Variants in TMCC1 observed in about 807,000 individuals in gnomAD.
The protein encoded by TMCC1 is transmembrane and coiled-coil domains protein 1.
A neutral mutation model predicts 52.4 loss-of-function variants in TMCC1; 15 were observed. That is an observed-to-expected ratio of 0.29 (90% confidence interval 0.19 to 0.44). TMCC1 has a LOEUF of 0.44. Ranked by LOEUF, TMCC1 falls within the 20% of genes least tolerant of loss-of-function variation. The pLI, the probability that TMCC1 is intolerant of heterozygous loss-of-function variation, is 1.00. For synonymous variants in TMCC1, 279 were observed against 301.9 expected (o/e 0.92, Z 0.79); for missense variants, 503 against 806.0 (o/e 0.62, Z 4.55).
intron 4 of TMCC1, among the ~76,000 whole-genome samples, chr3:129,774,602 C>T (rs2054874217): frequency 1.3e-5 from 2 of 152,168 alleles, no homozygotes; most frequent in South Asian, 4.1e-4. Context: ...AGAGGGGCAA[C>T]TAACCTAGAG....
chr3:129,740,661 A>G, intron 4 of TMCC1, among the ~76,000 whole-genome samples: 1 of 152,134 alleles, frequency 6.6e-6, no homozygotes, highest in East Asian at 1.9e-4. Flanking sequence ...GTGGGGTGAG[A>G]AGAGTATAAA....
At chr3:129,686,350 C>A (rs541608975) in intron 4 of TMCC1, among the ~76,000 whole-genome samples, 1 of 152,276 alleles carries the variant, frequency 6.6e-6, no homozygotes, top group East Asian at 1.9e-4. Flanking sequence ...GATTCGCCCG[C>A]CTCGGCCTCC....
At chr3:129,883,507 A>G (rs1560616089) in intron 1 of TMCC1, among the ~76,000 whole-genome samples, 3 of 152,146 alleles carry the variant, frequency 2.0e-5, no homozygotes, top group Admixed American at 1.3e-4. Flanking sequence ...CCAGCTATTC[A>G]GGAGGCTGAA....
intron 4 of TMCC1, among the ~76,000 whole-genome samples, chr3:129,812,688 G>T (rs141329128): frequency 2.0e-5 from 3 of 152,132 alleles, no homozygotes; most frequent in Non-Finnish European, 2.9e-5. Context: ...GCATATTTAA[G>T]ACTTAAATCT....
At position 129,828,489 on chromosome 3, in the gene TMCC1, G is replaced by A. The variant is rs2058754955; in HGVS notation, c.-111C>T. On this transcript the variant is annotated 5_prime_UTR_variant, in exon 4 of 7. Transcript: ENST00000393238. The surrounding 1 kb of genome is among the most constrained non-coding windows in gnomAD (Gnocchi z 4.1). ...ACAGTGACTACGCATGCAGCTGTGAGACGAAGGCTTCATGCCTATCTAATG... is the reference window on the plus strand; with the variant it reads ...ACAGTGACTACGCATGCAGCTGTGAAACGAAGGCTTCATGCCTATCTAATG... 2 of 1,010,490 alleles carry A rather than the reference G, an allele frequency of 2.0e-6. No individual in the cohort carries two copies. Among genetic ancestry groups the A allele is most frequent in the Non-Finnish European group, 2.9e-6 (2 of 679,856 alleles). The allele number at this position is 1,010,490 out of a possible 1,614,324, so 62.6% of individuals were successfully genotyped here.
chr3:129,861,793 T>TG (rs1452158582), intron 2 of TMCC1, among the ~76,000 whole-genome samples: 1 of 152,224 alleles, frequency 6.6e-6, no homozygotes, highest in African/African-American at 2.4e-5. Flanking sequence ...AGTTTGTTTT[T>TG]GGAAAACAGC....
rs1022472348 is a variant in TMCC1, at chr3:129,651,861, C to A, written c.1648-66G>T. 1.0e-4 allele frequency: 154 copies of A among 1,526,090 alleles called. No individual in the cohort carries two copies. The highest frequency in any genetic ancestry group is 2.8e-5 in the African/African-American group (2 of 72,512). The allele number at this position is 1,526,090 out of a possible 1,614,324, so 94.5% of individuals were successfully genotyped here. A position where few individuals can be genotyped will look rare whatever the true frequency, so the allele number is the denominator to read the frequency against. ...AAGTATTCTGAGATGCTGACATGCC[C>A]CCTGGGCAAGCCAGATGCATCTTGA... On this transcript the variant is annotated intron_variant, in intron 6 of 6. Transcript: ENST00000393238. This position sits in a 1 kb window ranked among gnomAD's most constrained non-coding sequence, Gnocchi z 5.1.
chr3:129,799,842 G>T (rs1463246068), intron 4 of TMCC1, among the ~76,000 whole-genome samples: 1 of 152,090 alleles, frequency 6.6e-6, no homozygotes, highest in Non-Finnish European at 1.5e-5. Context: ...TCCCTTTGAA[G>T]ATGTCTTGAA....
At chr3:129,653,267 T>G (rs2086455842) in intron 6 of TMCC1, among the ~76,000 whole-genome samples, 1 of 152,234 alleles carries the variant, frequency 6.6e-6, no homozygotes, top group African/African-American at 2.4e-5. Context: ...CAGTGAACAT[T>G]CTTTGAACAT....
At chr3:129,663,475 T>A (rs890868954) in intron 5 of TMCC1, among the ~76,000 whole-genome samples, 3 of 152,126 alleles carry the variant, frequency 2.0e-5, no homozygotes, top group Admixed American at 6.5e-5. Flanking sequence ...GAGTATGACT[T>A]GCGGTGGGAG....
At chr3:129,695,516 C>T (rs1252371254) in intron 4 of TMCC1, among the ~76,000 whole-genome samples, 1 of 152,094 alleles carries the variant, frequency 6.6e-6, no homozygotes, top group African/African-American at 2.4e-5. Flanking sequence ...GAAGGGGAAG[C>T]AAACACATCA....
chr3:129,786,594 G>A (rs574784022), intron 4 of TMCC1, among the ~76,000 whole-genome samples: 3 of 152,276 alleles, frequency 2.0e-5, no homozygotes, highest in South Asian at 2.1e-4. Context: ...CAAAGGAAGA[G>A]CTCCTTCCCT....
intron 4 of TMCC1, among the ~76,000 whole-genome samples, chr3:129,679,430 C>T (rs1218626003): frequency 1.3e-5 from 2 of 152,098 alleles, no homozygotes; most frequent in African/African-American, 2.4e-5. Flanking sequence ...CTCAGCCTTC[C>T]GAGTAGCTGG....
At chr3:129,834,528 T>C (rs1164034965) in intron 2 of TMCC1, among the ~76,000 whole-genome samples, 7 of 152,100 alleles carry the variant, frequency 4.6e-5, no homozygotes, top group Non-Finnish European at 1.0e-4. Context: ...AATTTTGACT[T>C]GATATAACAG....
At chr3:129,844,301 G>T (rs1027050667) in intron 2 of TMCC1, among the ~76,000 whole-genome samples, 1 of 151,952 alleles carries the variant, frequency 6.6e-6, no homozygotes, top group Admixed American at 6.6e-5. Flanking sequence ...TAATATTATA[G>T]GTGGAAAAAC....
rs1226777519 is a variant in TMCC1 at position 129,721,651 on chromosome 3, G to C, written c.577-50387C>G. Among the ~76,000 whole-genome samples the C allele has an allele frequency of 2.0e-5, 3 of 148,880 alleles. No individual in the cohort carries two copies. The Admixed American group carries it at 2.1e-4, about 10-fold the overall frequency. ...CGAGGCAGGCAGATCACGAGGTCAG[G>C]AGATTGGGACTATCCTGGCTAACAC... On this transcript the variant is annotated intron_variant, in intron 4 of 6. Coordinates refer to ENST00000393238, the MANE Select transcript of TMCC1 (RefSeq NM_001017395.5).
At position 129,716,157 on chromosome 3, in the gene TMCC1, TTTTTCTTTG is replaced by T. The variant is rs1443976887; in HGVS notation, c.577-44902_577-44894del. On this transcript the variant is annotated intron_variant, in intron 4 of 6. Transcript: ENST00000393238. ...GGAGAGTTTCAGCCACTTTTTTTCT[TTTTTCTTTG>T]TTTTTTTTTTTTTGAGATGGAGTTT... Among the ~76,000 whole-genome samples, 42 of 28,026 alleles carry T rather than the reference TTTTTCTTTG, an allele frequency of 1.5e-3. 1 individual carries two copies. In the East Asian group the frequency reaches 0.022, roughly 15 times the overall value. The allele number at this position is 28,026 out of a possible 152,430, so 18.4% of individuals were successfully genotyped here. A position where few individuals can be genotyped will look rare whatever the true frequency, so the allele number is the denominator to read the frequency against.
At chr3:129,744,252 T>C (rs559018625) in intron 4 of TMCC1, among the ~76,000 whole-genome samples, 1 of 152,306 alleles carries the variant, frequency 6.6e-6, no homozygotes, top group African/African-American at 2.4e-5. Flanking sequence ...AAAAGATTGG[T>C]TGTCGTAGTT....
intron 4 of TMCC1, among the ~76,000 whole-genome samples, chr3:129,763,542 C>CAAAAAAATAAA (rs2053823139): frequency 2.2e-5 from 1 of 44,664 alleles, no homozygotes; most frequent in Non-Finnish European, 4.2e-5. Context: ...GACCCTGTCT[C>CAAAAAAATAAA]AAAAAAAAAA....
Sources: allele counts gnomAD v4.1 joint callset (sites outside exome capture counted in the v4.1 genomes callset), GRCh38; gene constraint gnomAD v4.1.1; non-coding constraint Gnocchi (gnomAD v3.1); transcripts MANE v1.5; gene names NCBI Gene and HGNC (gene_info 2026-07-23, HGNC 2026-07-21).